The following TENM2 variants were observed in gnomAD, a reference collection of about 807,000 sequenced individuals.
TENM2 encodes the protein teneurin transmembrane protein 2.
A neutral mutation model predicts 245.2 loss-of-function variants in TENM2; 52 were observed. That is an observed-to-expected ratio of 0.21 (90% CI 0.17 to 0.27). The LOEUF is 0.27. Ranked by LOEUF, TENM2 falls within the 10% of genes least tolerant of loss-of-function variation. The pLI, the probability that TENM2 is intolerant of heterozygous loss-of-function variation, is 1.00. For synonymous variants in TENM2, 1,363 were observed against 1,438.9 expected (o/e 0.95, Z 1.19); for missense variants, 3,046 against 3,666.8 (o/e 0.83, Z 4.37).
chr5:167,998,389 G>A (rs918573201), intron 5 of TENM2, among the ~76,000 whole-genome samples: 7 of 152,150 alleles, frequency 4.6e-5, no homozygotes, highest in African/African-American at 1.2e-4. Context: ...AAAAGGCATC[G>A]AAGTTCTTGC....
chr5:167,703,390 A>T (rs936818220), intron 2 of TENM2, among the ~76,000 whole-genome samples: 1 of 151,962 alleles, frequency 6.6e-6, no homozygotes, highest in African/African-American at 2.4e-5. Context: ...AAATTAGCCG[A>T]GCATGGTGGC....
chr5:167,985,799 T>C (rs1236799568), intron 4 of TENM2, among the ~76,000 whole-genome samples: 5 of 152,230 alleles, frequency 3.3e-5, no homozygotes, highest in African/African-American at 9.6e-5. Flanking sequence ...TGTATTTGTT[T>C]GTTTGTTTCT....
the TENM2 span, among the ~76,000 whole-genome samples, chr5:167,267,217 C>G: frequency 6.6e-6 from 1 of 152,122 alleles, no homozygotes; most frequent in Non-Finnish European, 1.5e-5. Context: ...AGTCATTCTT[C>G]CCAGCAATCC....
rs143541784 is a variant in TENM2, at chr5:168,104,509, G to A, written c.1813+6382G>A. ...GGCCCTCCTGCCAGGGGGAGAATTTGCCACGTTAGCAAGAGAGACTCCCAT... is the reference window on the plus strand; with the variant it reads ...GGCCCTCCTGCCAGGGGGAGAATTTACCACGTTAGCAAGAGAGACTCCCAT... On this transcript the variant is annotated intron_variant, in intron 9 of 28. Transcript: ENST00000518659. Among the ~76,000 whole-genome samples, 108 of 152,290 alleles carry A rather than the reference G, an allele frequency of 7.1e-4. No homozygotes were observed. In the East Asian group the frequency reaches 0.02, roughly 28 times the overall value.
chr5:167,240,850 T>C, the TENM2 span, among the ~76,000 whole-genome samples: 17 of 152,322 alleles, frequency 1.1e-4, no homozygotes, highest in Middle Eastern at 3.4e-3. Context: ...TCTCCTTGCA[T>C]TGGGCTAAGC....
At position 167,353,707 on chromosome 5, in the gene TENM2, C is replaced by G. The variant is rs537190062; in HGVS notation, c.227-21491C>G. 2.6e-5 allele frequency among the ~76,000 whole-genome samples: 4 copies of G among 151,596 alleles called. No individual in the cohort carries two copies. In the South Asian group the frequency reaches 8.4e-4, roughly 32 times the overall value. On this transcript the variant is annotated intron_variant, in intron 1 of 28. Coordinates refer to ENST00000518659, the Ensembl canonical transcript of TENM2. Reference sequence around the variant, plus strand: ...TATTTTTAGTAGAGACGGGGTTTCACCGTTTTAGCCGGGATGGTCTCGATC... The same window carrying G: ...TATTTTTAGTAGAGACGGGGTTTCAGCGTTTTAGCCGGGATGGTCTCGATC...
intron 2 of TENM2, among the ~76,000 whole-genome samples, chr5:167,565,955 T>G (rs891884068): frequency 4.1e-4 from 62 of 152,192 alleles, no homozygotes; most frequent in African/African-American, 1.4e-3. Context: ...TTGTTGTTGT[T>G]GTTTAAGCCC....
intron 3 of TENM2, among the ~76,000 whole-genome samples, chr5:167,922,276 G>A (rs1393283053): frequency 6.6e-6 from 1 of 152,000 alleles, no homozygotes; most frequent in Non-Finnish European, 1.5e-5. Context: ...TGTGTCCCTG[G>A]CTCTTGAAGT....
intron 1 of TENM2, among the ~76,000 whole-genome samples, chr5:167,346,739 A>T (rs1758479209): frequency 6.6e-6 from 1 of 152,030 alleles, no homozygotes; most frequent in South Asian, 2.1e-4. Flanking sequence ...TGTAGCCAGA[A>T]TATTGGCATT....
At chr5:167,893,630 G>T (rs1168279511) in intron 3 of TENM2, among the ~76,000 whole-genome samples, 49 of 147,362 alleles carry the variant, frequency 3.3e-4, no homozygotes, top group African/African-American at 9.7e-4. Flanking sequence ...AGGTTTTTTT[G>T]TTGTTTTTTT....
At chr5:167,919,664 A>C (rs1438694787) in intron 3 of TENM2, among the ~76,000 whole-genome samples, 1 of 152,208 alleles carries the variant, frequency 6.6e-6, no homozygotes, top group Non-Finnish European at 1.5e-5. Context: ...AGGGGGATGC[A>C]TTTTGTTTGG....
intron 2 of TENM2, among the ~76,000 whole-genome samples, chr5:167,802,603 G>A (rs1473706006): frequency 6.6e-6 from 1 of 152,116 alleles, no homozygotes; most frequent in African/African-American, 2.4e-5. Context: ...CCTCCTTTAG[G>A]CATGTCAGAA....
intron 1 of TENM2, among the ~76,000 whole-genome samples, chr5:167,299,386 C>T (rs1295295376): frequency 6.6e-6 from 1 of 152,140 alleles, no homozygotes; most frequent in Non-Finnish European, 1.5e-5. Flanking sequence ...TCTACCCAGA[C>T]TAAGAGGTAT....
chr5:167,501,480 T>C (rs1474388730), intron 2 of TENM2, among the ~76,000 whole-genome samples: 1 of 152,210 alleles, frequency 6.6e-6, no homozygotes, highest in African/African-American at 2.4e-5. Flanking sequence ...TTATGTTGAT[T>C]GTAATGTTGG....
At chr5:167,875,062 G>A (rs1420888703) in intron 2 of TENM2, among the ~76,000 whole-genome samples, 3 of 152,130 alleles carry the variant, frequency 2.0e-5, no homozygotes, top group African/African-American at 7.2e-5. Flanking sequence ...CAGCAGATGC[G>A]ATTCTTTAGG....
At chr5:167,351,317 C>T (rs4869031) in intron 1 of TENM2, among the ~76,000 whole-genome samples, 11,334 of 152,008 alleles carry the variant, frequency 0.075, 892 homozygotes, top group Admixed American at 0.25. Context: ...GACAACAAAG[C>T]GTCTTTCTTC....
intron 13 of TENM2, among the ~76,000 whole-genome samples, chr5:168,179,219 C>T (rs2152486878): frequency 6.6e-6 from 1 of 151,194 alleles, no homozygotes; most frequent in African/African-American, 2.4e-5. Flanking sequence ...TTTACTAGCA[C>T]TGTGACCTTG....
chr5:167,126,510 A>G, the TENM2 span, among the ~76,000 whole-genome samples: 2 of 152,186 alleles, frequency 1.3e-5, no homozygotes, highest in African/African-American at 4.8e-5. Flanking sequence ...CATGGCATGT[A>G]TTTCCCCGAT....
chr5:167,070,107 A>ATATTTATTTATTCATTTATTTATT, the TENM2 span, among the ~76,000 whole-genome samples: 2 of 54,962 alleles, frequency 3.6e-5, no homozygotes, highest in Non-Finnish European at 9.1e-5. Context: ...CATTTGACAA[A>ATATTTATTTATTCATTTATTTATT]TATTTATTTA....
Sources: allele counts gnomAD v4.1 joint callset (sites outside exome capture counted in the v4.1 genomes callset), GRCh38; gene constraint gnomAD v4.1.1; transcripts MANE v1.5; gene names NCBI Gene and HGNC (gene_info 2026-07-23, HGNC 2026-07-21).